NBN: variants seen among roughly 807,000 people sequenced by gnomAD.
NBN encodes the protein nibrin, also known as Nijmegen breakage syndrome 1 (nibrin).
A neutral mutation model predicts 90.8 loss-of-function variants in NBN; 88 were observed. The observed-to-expected ratio is 0.97, with a 90% confidence interval of 0.82 to 1.16. The LOEUF (loss-of-function observed/expected upper bound fraction) is 1.16. Among genes scored for constraint, NBN ranks in the 50% most tolerant of loss-of-function variants. The probability of loss-of-function intolerance (pLI) is 0.00; values close to 1 mark genes in which losing one functional copy is unlikely to be tolerated. For missense variants in NBN, 894 were observed against 869.6 expected, an observed-to-expected ratio of 1.03 and a Z score of -0.35; for synonymous variants, 328 against 295.1, an observed-to-expected ratio of 1.11 and a Z score of -1.14.
chr8:89,975,247 T>C (rs1038570153), intron 5 of NBN, among the ~76,000 whole-genome samples: 7 of 152,240 alleles, frequency 4.6e-5, no homozygotes, highest in African/African-American at 1.7e-4. Flanking sequence ...AATAGGACTG[T>C]ATATTTTATT....
chr8:89,951,748 T>A (rs1805785), intron 11 of NBN, among the ~76,000 whole-genome samples: 10,365 of 138,298 alleles, frequency 0.075, 1,064 homozygotes, highest in African/African-American at 0.24. Flanking sequence ...TAGTCTTAAA[T>A]CCTTCACAAT....
chr8:89,980,192 A>G (rs977134319), intron 4 of NBN, among the ~76,000 whole-genome samples: 2 of 152,226 alleles, frequency 1.3e-5, no homozygotes, highest in Non-Finnish European at 2.9e-5. Context: ...CTCTTTAGCT[A>G]TAAAACATAA....
chr8:89,966,542 T>A (rs1011665818), intron 7 of NBN, among the ~76,000 whole-genome samples: 5 of 152,190 alleles, frequency 3.3e-5, no homozygotes, highest in African/African-American at 1.2e-4. Context: ...ATTAAGAGAT[T>A]TCAAGCAAAC....
At chr8:89,958,320 T>C (rs1810824954) in intron 9 of NBN, among the ~76,000 whole-genome samples, 1 of 152,226 alleles carries the variant, frequency 6.6e-6, no homozygotes, top group Non-Finnish European at 1.5e-5. Flanking sequence ...ATCTATACTA[T>C]ACAGTACGCT....
intron 7 of NBN, among the ~76,000 whole-genome samples, chr8:89,967,245 G>T (rs1355996948): frequency 6.6e-6 from 1 of 152,206 alleles, no homozygotes; most frequent in African/African-American, 2.4e-5. Context: ...GGGTGTGTCA[G>T]TGTGCCCTGC....
chr8:89,978,452 T>C (rs909387300), intron 4 of NBN, 129 bp from the exon 5 acceptor site: 5 of 704,804 alleles, frequency 7.1e-6, no homozygotes, highest in Non-Finnish European at 1.2e-5. Context: ...TTCATCTCTC[T>C]AAATTTATAA....
chr8:89,938,557 A>C (rs1287700574), intron 14 of NBN, among the ~76,000 whole-genome samples: 2 of 152,090 alleles, frequency 1.3e-5, no homozygotes, highest in Non-Finnish European at 2.9e-5. Context: ...TTAACCAATG[A>C]GGTAACAGAG....
Position 89,935,265 on chromosome 8 carries a change from C to A in NBN, c.*317G>T. On this transcript the variant is annotated 3_prime_UTR_variant, in exon 16 of 16. Coordinates refer to ENST00000265433, the MANE Select transcript of NBN (RefSeq NM_002485.5). ...TTTTTTTCTGAGGGGAACCAAGTAG[C>A]TAGGACAATGGTGGAAGGGTGACTT... is the stretch of plus-strand genomic sequence containing the variant. The A allele has an allele frequency of 3.1e-6, 1 of 317,884 alleles. No homozygotes were observed. The highest frequency in any genetic ancestry group is 5.9e-6 in the Non-Finnish European group (1 of 169,084). 19.7% of individuals were successfully genotyped at this position (317,884 alleles called of 1,614,324 possible).
intron 7 of NBN, among the ~76,000 whole-genome samples, chr8:89,966,602 C>T (rs7006318): frequency 0.046 from 7,038 of 152,222 alleles, 226 homozygotes; most frequent in South Asian, 0.098. Flanking sequence ...TTAAAATTTA[C>T]ATAAATCGTT....
Position 89,981,485 on chromosome 8 carries a change from A to C in NBN, c.210T>G (p.Asp70Glu), listed in dbSNP as rs1554568357. 6.2e-7 allele frequency: 1 copy of C among 1,613,502 alleles called. No homozygotes were observed. Among genetic ancestry groups the C allele is most frequent in the Non-Finnish European group, 8.5e-7 (1 of 1,179,486 alleles). The change falls in exon 3 of 16, where the codon GAT (aspartate) becomes GAG (glutamate). Residue 70 changes from aspartate (D) to glutamate (E), a missense_variant. Asp to Glu is a conservative substitution (Grantham distance 45, BLOSUM62 2). Transcript: ENST00000265433. Reference sequence around the variant, plus strand: ...TAACAAAGGTACCATACTTAGAATTATCTTTTAATGTCAATACAGGGATTT... The same window carrying C: ...TAACAAAGGTACCATACTTAGAATTCTCTTTTAATGTCAATACAGGGATTT... ...TDEIPVLTLKDNSKYGTFVNE... is the reference protein window; with the variant it reads ...TDEIPVLTLKENSKYGTFVNE...
chr8:89,947,277 G>T (rs1389105121), intron 12 of NBN, among the ~76,000 whole-genome samples: 1 of 152,128 alleles, frequency 6.6e-6, no homozygotes, highest in East Asian at 1.9e-4. Flanking sequence ...AGGAGCAGAA[G>T]GCAGGGAATT....
Position 89,935,493 on chromosome 8 carries a change from T to C in NBN, c.*89A>G. On this transcript the variant is annotated 3_prime_UTR_variant, in exon 16 of 16. Coordinates refer to ENST00000265433, the MANE Select transcript of NBN (RefSeq NM_002485.5). The stretch of plus-strand genomic sequence containing the variant: ...ATAAAACATTGTAACTTAAATCGCT[T>C]CTATACACTATATATTCATATAACC... 1 of 1,504,178 alleles carries C rather than the reference T, an allele frequency of 6.6e-7. No individual in the cohort carries two copies. Among genetic ancestry groups the C allele is most frequent in the South Asian group, 1.1e-5 (1 of 87,476 alleles). The allele number at this position is 1,504,178 out of a possible 1,614,324, so 93.2% of individuals were successfully genotyped here. A position where few individuals can be genotyped will look rare whatever the true frequency, so the allele number is the denominator to read the frequency against.
At chr8:89,955,613 A>G in intron 9 of NBN, 58 bp from the exon 10 acceptor site, 1 of 1,542,490 alleles carries the variant, frequency 6.5e-7, no homozygotes. Flanking sequence ...ACTTTAATAG[A>G]GAAACAAAGA....
chr8:89,964,561 A>C, intron 7 of NBN, 54 bp from the exon 8 acceptor site: 5 of 1,500,850 alleles, frequency 3.3e-6, no homozygotes, highest in Non-Finnish European at 4.6e-6. Context: ...AGCAACTTTT[A>C]TTCAGATAAT....
intron 7 of NBN, among the ~76,000 whole-genome samples, chr8:89,968,055 C>T (rs1398349675): frequency 1.3e-5 from 2 of 152,002 alleles, no homozygotes; most frequent in African/African-American, 2.4e-5. Flanking sequence ...CTCAGGAGTT[C>T]AAGACCAGCC....
At chr8:89,944,326 C>A (rs1810091264) in intron 13 of NBN, among the ~76,000 whole-genome samples, 1 of 152,192 alleles carries the variant, frequency 6.6e-6, no homozygotes, top group Non-Finnish European at 1.5e-5. Context: ...CTAAAGTCGG[C>A]TTCTGATTCC....
chr8:89,980,927 T>C, intron 3 of NBN, 34 bp from the exon 4 acceptor site: 2 of 1,601,368 alleles, frequency 1.2e-6, no homozygotes, highest in Non-Finnish European at 1.7e-6. Context: ...AAAGTCATAG[T>C]ATCAGAGTTG....
In NBN at chr8:89,937,034, A is replaced by C. The variant is rs767523514; in HGVS notation, c.2226T>G (p.Asp742Glu). The C allele has an allele frequency of 1.9e-6, 3 of 1,610,586 alleles. No individual in the cohort carries two copies. In the African/African-American group the frequency reaches 4.0e-5, roughly 22 times the overall value. ...GGTGAATCAAACTTTACCTAAAAAG[A>C]TCATCAGCAAGAGACTCTTCTTTTG... ...QHAKEESLAD[D>E]LFRYNPYLKR... is the part of the protein sequence containing the mutation. Residue 742 changes from aspartate to glutamate, a missense_variant, in exon 15 of 16, where the codon GAT becomes GAG. Asp to Glu is a conservative substitution (Grantham distance 45). Transcript: ENST00000265433.
chr8:89,960,819 A>G (rs1041330347), intron 8 of NBN, among the ~76,000 whole-genome samples: 5 of 152,166 alleles, frequency 3.3e-5, no homozygotes, highest in Non-Finnish European at 5.9e-5. Flanking sequence ...CAAATGTTCA[A>G]TAAGTATTTG....
Sources: allele counts gnomAD v4.1 joint callset (sites outside exome capture counted in the v4.1 genomes callset), GRCh38; gene constraint gnomAD v4.1.1; transcripts MANE v1.5; gene names NCBI Gene and HGNC (gene_info 2026-07-23, HGNC 2026-07-21).